MED27: variants seen among roughly 807,000 people sequenced by gnomAD.
The protein encoded by MED27 is mediator of RNA polymerase II transcription subunit 27.
MED27 carries 30 observed loss-of-function variants against 38.2 expected under a neutral mutation model. That is an observed-to-expected ratio of 0.79 (90% CI 0.59 to 1.07). The LOEUF is 1.07. Ranked by LOEUF, MED27 falls within the 50% of genes least tolerant of loss-of-function variation. The pLI is 0.00. For missense variants in MED27, 289 were observed against 397.5 expected (o/e 0.73, Z 2.32); for synonymous variants, 122 against 153.5 (o/e 0.79, Z 1.52).
chr9:131,919,158 G>C (rs1028350026), intron 4 of MED27, among the ~76,000 whole-genome samples: 1 of 152,172 alleles, frequency 6.6e-6, no homozygotes, highest in African/African-American at 2.4e-5. Context: ...CTAGGTTTTA[G>C]ACAGAATGCC....
intron 6 of MED27, among the ~76,000 whole-genome samples, chr9:131,869,847 G>A (rs1340819216): frequency 6.6e-6 from 1 of 152,186 alleles, no homozygotes; most frequent in Non-Finnish European, 1.5e-5. Context: ...GACCTGCAGT[G>A]ATTTACTTTG....
At chr9:131,950,683 G>A (rs762169329) in intron 3 of MED27, among the ~76,000 whole-genome samples, 1 of 152,134 alleles carries the variant, frequency 6.6e-6, no homozygotes, top group Non-Finnish European at 1.5e-5. Flanking sequence ...TGAGGAAACC[G>A]CAGAACCCCT....
At chr9:132,009,051 T>C (rs917661838) in intron 3 of MED27, among the ~76,000 whole-genome samples, 4 of 152,204 alleles carry the variant, frequency 2.6e-5, no homozygotes, top group Non-Finnish European at 4.4e-5. Context: ...TCTCAGGCAC[T>C]GGAAGAAGGT....
intron 4 of MED27, among the ~76,000 whole-genome samples, chr9:131,918,717 A>G (rs1830336449): frequency 6.6e-6 from 1 of 152,090 alleles, no homozygotes; most frequent in Admixed American, 6.5e-5. Flanking sequence ...TTTCTTCAAC[A>G]GTAGGATCTC....
intron 2 of MED27, among the ~76,000 whole-genome samples, chr9:132,014,696 T>C (rs571011472): frequency 1.3e-5 from 2 of 151,738 alleles, no homozygotes; most frequent in East Asian, 3.9e-4. Context: ...TACCTCATGA[T>C]GAAAAACTGG....
At chr9:132,078,534 A>T (rs1025430211) in intron 1 of MED27, among the ~76,000 whole-genome samples, 1 of 152,094 alleles carries the variant, frequency 6.6e-6, no homozygotes, top group Non-Finnish European at 1.5e-5. Flanking sequence ...CAGCAAGCGG[A>T]TGTGGGCGTT....
At chr9:131,966,387 A>AAAAAAAAAAAAAAC (rs1831349719) in intron 3 of MED27, among the ~76,000 whole-genome samples, 1 of 144,596 alleles carries the variant, frequency 6.9e-6, no homozygotes, top group Non-Finnish European at 1.5e-5. Flanking sequence ...CTGTCACAAA[A>AAAAAAAAAAAAAAC]AAAAAAAAAA....
intron 2 of MED27, among the ~76,000 whole-genome samples, chr9:132,071,655 A>C (rs2131166406): frequency 6.6e-6 from 1 of 152,048 alleles, no homozygotes; most frequent in South Asian, 2.1e-4. Context: ...CACACGCATG[A>C]GTAACCCGTG....
At chr9:131,900,227 C>T (rs369768748) in intron 4 of MED27, among the ~76,000 whole-genome samples, 5 of 152,246 alleles carry the variant, frequency 3.3e-5, no homozygotes, top group South Asian at 2.1e-4. Flanking sequence ...CCTGCCTAGC[C>T]CCCCCATCAG....
intron 4 of MED27, among the ~76,000 whole-genome samples, chr9:131,929,441 A>G (rs1193263614): frequency 6.6e-6 from 1 of 152,180 alleles, no homozygotes; most frequent in Non-Finnish European, 1.5e-5. Flanking sequence ...GTCCAGGCCT[A>G]GGCTCTTAGA....
At chr9:131,902,738 C>CA (rs1829974347) in intron 4 of MED27, among the ~76,000 whole-genome samples, 1 of 152,152 alleles carries the variant, frequency 6.6e-6, no homozygotes, top group African/African-American at 2.4e-5. Flanking sequence ...GACTAGACTC[C>CA]AGATACAAAG....
At chr9:131,948,634 C>G (rs1177668461) in intron 3 of MED27, among the ~76,000 whole-genome samples, 2 of 152,222 alleles carry the variant, frequency 1.3e-5, no homozygotes, top group African/African-American at 4.8e-5. Context: ...TCCACACCAT[C>G]TCTCACTACA....
At position 131,860,850 on chromosome 9, in the gene MED27, C is replaced by G. The variant is rs1373686330; in HGVS notation, c.802-178G>C. 6.6e-6 allele frequency among the ~76,000 whole-genome samples: 1 copy of G among 152,174 alleles called. No homozygotes were observed. The highest frequency in any genetic ancestry group is 1.9e-4 in the East Asian group (1 of 5,190). On this transcript the variant is annotated intron_variant, in intron 7 of 7. Coordinates refer to ENST00000292035, the MANE Select transcript of MED27 (RefSeq NM_004269.4). The surrounding 1 kb of genome is among the most constrained non-coding windows in gnomAD (Gnocchi z 5.8). ...ACAAGGTCACCTGACTGCTGATGTT[C>G]ACGTCTGATGCTCGCGTGCCCCTCC...
At chr9:131,971,447 G>C (rs1564306236) in intron 3 of MED27, among the ~76,000 whole-genome samples, 1 of 152,230 alleles carries the variant, frequency 6.6e-6, no homozygotes, top group Non-Finnish European at 1.5e-5. Context: ...AGCAATAAGA[G>C]GAGTTTGGAA....
chr9:131,968,575 C>T (rs1831408018), intron 3 of MED27, among the ~76,000 whole-genome samples: 1 of 151,932 alleles, frequency 6.6e-6, no homozygotes, highest in East Asian at 1.9e-4. Context: ...GAGATAGGCC[C>T]AAGGTTGCAT....
chr9:131,955,876 T>C (rs1247089607), intron 3 of MED27, among the ~76,000 whole-genome samples: 1 of 152,162 alleles, frequency 6.6e-6, no homozygotes, highest in Non-Finnish European at 1.5e-5. Flanking sequence ...ACTCATTTAA[T>C]GGATCAAGCA....
intron 2 of MED27, among the ~76,000 whole-genome samples, chr9:132,065,176 C>T (rs945117519): frequency 3.3e-5 from 5 of 152,208 alleles, no homozygotes; most frequent in African/African-American, 1.2e-4. Flanking sequence ...TGCATATACA[C>T]GTTCAAAATC....
chr9:132,023,839 CTTAG>C (rs1195589605), intron 2 of MED27, among the ~76,000 whole-genome samples: 1 of 152,116 alleles, frequency 6.6e-6, no homozygotes, highest in Non-Finnish European at 1.5e-5. Context: ...GAGACAGCTG[CTTAG>C]TTAGGAGGCA....
At chr9:132,020,738 T>C (rs1457816245) in intron 2 of MED27, among the ~76,000 whole-genome samples, 1 of 152,206 alleles carries the variant, frequency 6.6e-6, no homozygotes. Flanking sequence ...GGAAAACAGC[T>C]ACAGAAAAAT....
Sources: allele counts gnomAD v4.1 joint callset (sites outside exome capture counted in the v4.1 genomes callset), GRCh38; gene constraint gnomAD v4.1.1; non-coding constraint Gnocchi (gnomAD v3.1); transcripts MANE v1.5; gene names NCBI Gene and HGNC (gene_info 2026-07-23, HGNC 2026-07-21).